The following GALNT13 variants were observed in gnomAD, a reference collection of about 807,000 sequenced individuals.
The protein encoded by GALNT13 is UDP-GalNAc:polypeptide N-acetylgalactosaminyltransferase 13.
A neutral mutation model predicts 64.2 loss-of-function variants in GALNT13; 28 were observed. The ratio of observed to expected loss-of-function variants is 0.44; its 90% CI spans 0.32 to 0.60. The LOEUF is 0.60. Among genes scored for constraint, GALNT13 ranks in the 20% least tolerant of loss-of-function variants. The probability of loss-of-function intolerance (pLI) is 0.05; values close to 1 mark genes in which losing one functional copy is unlikely to be tolerated. For synonymous variants in GALNT13, 214 were observed against 224.6 expected (o/e 0.95, Z 0.42); for missense variants, 577 against 669.8 (o/e 0.86, Z 1.53).
the GALNT13 span, among the ~76,000 whole-genome samples, chr2:153,093,241 C>CTTT: frequency 7.2e-5 from 10 of 139,408 alleles, no homozygotes. Flanking sequence ...CTTTTCTTTT[C>CTTT]TTTTTTTTTT....
the GALNT13 span, among the ~76,000 whole-genome samples, chr2:153,778,044 T>C: frequency 6.6e-6 from 1 of 152,166 alleles, no homozygotes; most frequent in African/African-American, 2.4e-5. Flanking sequence ...GCCACTTAGC[T>C]GCCCAAGCTC....
At chr2:154,195,368 G>A (rs148407687) in intron 4 of GALNT13, among the ~76,000 whole-genome samples, 15 of 152,116 alleles carry the variant, frequency 9.9e-5, no homozygotes, top group African/African-American at 3.4e-4. Flanking sequence ...ATGTACCGTG[G>A]GAGAAATGCA....
At chr2:153,255,537 G>A in the GALNT13 span, among the ~76,000 whole-genome samples, 16 of 151,506 alleles carry the variant, frequency 1.1e-4, no homozygotes, top group Admixed American at 5.9e-4. Context: ...TATTTTGCTC[G>A]TTAGTTGATG....
At chr2:153,957,942 G>C in intron 3 of GALNT13, among the ~76,000 whole-genome samples, 1 of 152,084 alleles carries the variant, frequency 6.6e-6, no homozygotes, top group Non-Finnish European at 1.5e-5. Flanking sequence ...CACTTTACTG[G>C]ATTTTCTGAA....
At chr2:153,078,794 TTGAG>T in the GALNT13 span, among the ~76,000 whole-genome samples, 1 of 152,200 alleles carries the variant, frequency 6.6e-6, no homozygotes, top group South Asian at 2.1e-4. Context: ...TCTTATTTTA[TTGAG>T]TATTATCGTA....
chr2:154,166,515 T>C (rs1573791227), intron 4 of GALNT13, among the ~76,000 whole-genome samples: 1 of 152,154 alleles, frequency 6.6e-6, no homozygotes, highest in East Asian at 1.9e-4. Flanking sequence ...AGGAACACTT[T>C]TACACTGTTG....
At chr2:153,261,264 G>T in the GALNT13 span, among the ~76,000 whole-genome samples, 1 of 152,102 alleles carries the variant, frequency 6.6e-6, no homozygotes, top group African/African-American at 2.4e-5. Flanking sequence ...GATGCTTATG[G>T]ATGTTTGGCA....
At chr2:153,339,049 A>G in the GALNT13 span, among the ~76,000 whole-genome samples, 1 of 152,206 alleles carries the variant, frequency 6.6e-6, no homozygotes, top group Non-Finnish European at 1.5e-5. Context: ...TTGATTCCGT[A>G]TCTTGGCTGT....
At chr2:154,425,414 G>C (rs1700428030) in intron 11 of GALNT13, among the ~76,000 whole-genome samples, 1 of 152,106 alleles carries the variant, frequency 6.6e-6, no homozygotes, top group African/African-American at 2.4e-5. Context: ...GCTTAGATCA[G>C]TAAGAACCTC....
chr2:153,287,067 T>C, the GALNT13 span, among the ~76,000 whole-genome samples: 1 of 152,170 alleles, frequency 6.6e-6, no homozygotes, highest in African/African-American at 2.4e-5. Context: ...GAGCCAATGG[T>C]AGTTCGCAGA....
chr2:154,372,607 T>C (rs540803929), intron 9 of GALNT13, among the ~76,000 whole-genome samples: 1 of 152,108 alleles, frequency 6.6e-6, no homozygotes, highest in Admixed American at 6.6e-5. Flanking sequence ...TTACAAGGTG[T>C]CTTTTATTAA....
At chr2:153,838,966 A>G in the GALNT13 span, among the ~76,000 whole-genome samples, 25 of 151,632 alleles carry the variant, frequency 1.6e-4, no homozygotes, top group African/African-American at 6.0e-4. Flanking sequence ...CTTTTTTTCT[A>G]AGTTTCTGTG....
chr2:154,278,525 G>C (rs1691782064), intron 8 of GALNT13, among the ~76,000 whole-genome samples: 1 of 152,102 alleles, frequency 6.6e-6, no homozygotes, highest in South Asian at 2.1e-4. Flanking sequence ...AAGAAAATAG[G>C]GACAGCAAAA....
chr2:153,172,613 T>A, the GALNT13 span, among the ~76,000 whole-genome samples: 1 of 152,104 alleles, frequency 6.6e-6, no homozygotes, highest in Non-Finnish European at 1.5e-5. Context: ...CCTGCCATCC[T>A]TAGCCAGTTG....
the GALNT13 span, among the ~76,000 whole-genome samples, chr2:153,718,466 A>C: frequency 7.3e-5 from 11 of 151,528 alleles, no homozygotes; most frequent in Non-Finnish European, 7.4e-5. Flanking sequence ...TAATTTTAGA[A>C]GTTATTCGTT....
intron 9 of GALNT13, among the ~76,000 whole-genome samples, chr2:154,306,591 G>T (rs964420826): frequency 2.9e-5 from 4 of 135,816 alleles, no homozygotes; most frequent in Non-Finnish European, 4.7e-5. Context: ...AAAAATTCAG[G>T]GATCAAGGTT....
the GALNT13 span, among the ~76,000 whole-genome samples, chr2:153,373,147 TG>T: frequency 6.6e-6 from 1 of 151,952 alleles, no homozygotes; most frequent in Non-Finnish European, 1.5e-5. Context: ...TGTGTGTGTG[TG>T]TGTGTGTGTG....
the GALNT13 span, among the ~76,000 whole-genome samples, chr2:153,610,412 C>T: frequency 6.6e-6 from 1 of 152,154 alleles, no homozygotes; most frequent in Non-Finnish European, 1.5e-5. Flanking sequence ...CTGTGGCTCA[C>T]ACCTGTAATC....
chr2:154,116,945 A>G (rs925215686), intron 3 of GALNT13, among the ~76,000 whole-genome samples: 6 of 152,150 alleles, frequency 3.9e-5, no homozygotes, highest in Admixed American at 3.3e-4. Flanking sequence ...CACACTCGCA[A>G]TGTCCCACAG....
Sources: gnomAD v4.1 joint callset for allele counts (sites outside exome capture counted in the v4.1 genomes callset) on GRCh38, gnomAD v4.1.1 for gene constraint, MANE v1.5 for transcripts, NCBI Gene and HGNC (gene_info 2026-07-23, HGNC 2026-07-21) for gene names.